The following NCOR1 variants were observed in gnomAD, a reference collection of about 807,000 sequenced individuals.
NCOR1 encodes protein phosphatase 1, regulatory subunit 109.
In NCOR1, 63 loss-of-function variants were observed where a neutral mutation model predicts 288.1. That is an observed-to-expected ratio of 0.22 (90% CI 0.18 to 0.27). The LOEUF is 0.27. Ranked by LOEUF, NCOR1 falls within the 10% of genes least tolerant of loss-of-function variation. The pLI is 1.00. For synonymous variants in NCOR1, 1,007 were observed against 1,065.9 expected (o/e 0.94, Z 1.08); for missense variants, 2,397 against 3,019.2 (o/e 0.79, Z 4.83).
chr17:16,186,402 A>G (rs2086689900), intron 3 of NCOR1, 152 bp downstream of exon 3: 1 of 782,816 alleles, frequency 1.3e-6, no homozygotes, highest in Non-Finnish European at 1.9e-6. Flanking sequence ...CTTGTTAACT[A>G]TTGCAACCAA....
At chr17:16,130,954 G>A (rs1599119685) in intron 14 of NCOR1, among the ~76,000 whole-genome samples, 1 of 150,762 alleles carries the variant, frequency 6.6e-6, no homozygotes, top group African/African-American at 2.4e-5. Context: ...CTCCCAAAGT[G>A]CTGGGACTTT....
chr17:16,188,194 C>G (rs1254215639), intron 2 of NCOR1, among the ~76,000 whole-genome samples: 3 of 152,008 alleles, frequency 2.0e-5, no homozygotes, highest in Admixed American at 2.0e-4. Flanking sequence ...ATTATGCTGT[C>G]CAGGATAAAA....
chr17:16,080,142 G>A (rs910168488), intron 25 of NCOR1, 78 bp from the exon 26 acceptor site: 16 of 1,207,860 alleles, frequency 1.3e-5, no homozygotes, highest in Non-Finnish European at 1.9e-5. Context: ...CCCTACTTGG[G>A]AGAGTACTCA....
chr17:16,145,010 C>T (rs2077673196), intron 10 of NCOR1, among the ~76,000 whole-genome samples: 1 of 152,330 alleles, frequency 6.6e-6, no homozygotes, highest in East Asian at 1.9e-4. Flanking sequence ...AACCTCCCTG[C>T]CTGATTCTCC....
In NCOR1 at chr17:16,092,695, A is replaced by ATTT. The variant is rs1184440315; in HGVS notation, c.2821-640_2821-638dup. Among the ~76,000 whole-genome samples the ATTT allele has an allele frequency of 1.1e-3, 24 of 22,598 alleles. 3 individuals are homozygous for ATTT. The highest frequency in any genetic ancestry group is 2.3e-3 in the African/African-American group (11 of 4,868). The allele number at this position is 22,598 out of a possible 152,430, so 14.8% of individuals were successfully genotyped here. ...TATATATATATATATATATATATAT[A>ATTT]TTTTTTTTTTTTTTTTTTTTTAAGA... On this transcript the variant is annotated intron_variant, in intron 21 of 45. Transcript: ENST00000268712.
At chr17:16,126,053 CTT>C (rs889973617) in intron 15 of NCOR1, 27 bp downstream of exon 15, 16 of 1,031,094 alleles carry the variant, frequency 1.6e-5, no homozygotes, top group Non-Finnish European at 1.9e-5. Context: ...AAACATTTAA[CTT>C]ATTATATAAC....
chr17:16,034,859 C>A lies in NCOR1; in HGVS notation c.7041G>T (p.Thr2347=), dbSNP rs747092561. Residue 2347 remains threonine, a synonymous_variant, in exon 45 of 46, where the codon ACG becomes ACT. Transcript: ENST00000268712. Reference sequence around the variant, plus strand: ...CAGAGGAGACTGAAGAGGGCCGTTCCGTTCCTAAGTAGCCTTGCCCAGGTA... The same window carrying A: ...CAGAGGAGACTGAAGAGGGCCGTTCAGTTCCTAAGTAGCCTTGCCCAGGTA... ...SPIPGQGYLG[T]ERPSSVSSVH... 6.2e-7 allele frequency: 1 copy of A among 1,614,108 alleles called. No homozygotes were observed. The highest frequency in any genetic ancestry group is 8.5e-7 in the Non-Finnish European group (1 of 1,180,012).
rs542636527 is a variant in NCOR1, at chr17:16,178,391, C to T, written c.243-6396G>A. Among the ~76,000 whole-genome samples, 31 of 146,572 alleles carry T rather than the reference C, an allele frequency of 2.1e-4. No individual in the cohort carries two copies. In the South Asian group the frequency reaches 6.1e-3, roughly 29 times the overall value. Reference sequence around the variant, plus strand: ...GCATGAGCCTGTAGTCCCAGCTACTCGGGAGGCTAAGGCAGGAGAATTGCT... The same window carrying T: ...GCATGAGCCTGTAGTCCCAGCTACTTGGGAGGCTAAGGCAGGAGAATTGCT... On this transcript the variant is annotated intron_variant, in intron 3 of 45. Coordinates refer to ENST00000268712, the MANE Select transcript of NCOR1 (RefSeq NM_006311.4).
At chr17:16,181,205 A>ATG (rs1555787614) in intron 3 of NCOR1, among the ~76,000 whole-genome samples, 6 of 99,064 alleles carry the variant, frequency 6.1e-5, no homozygotes, top group South Asian at 3.6e-4. Context: ...GTATACATAT[A>ATG]TATGTATGTG....
At chr17:16,147,967 G>A (rs540519786) in intron 9 of NCOR1, among the ~76,000 whole-genome samples, 6 of 152,202 alleles carry the variant, frequency 3.9e-5, no homozygotes, top group South Asian at 4.1e-4. Flanking sequence ...ACAAGCATGC[G>A]CCACCACGCC....
intron 18 of NCOR1, among the ~76,000 whole-genome samples, chr17:16,116,850 C>G (rs1185406462): frequency 1.3e-5 from 2 of 152,208 alleles, no homozygotes; most frequent in African/African-American, 4.8e-5. Context: ...GAAAAAACTG[C>G]AAATGCTCAG....
chr17:16,153,487 CT>C, intron 6 of NCOR1, 92 bp from the exon 7 acceptor site: 1 of 800,328 alleles, frequency 1.2e-6, no homozygotes, highest in African/African-American at 1.8e-5. Flanking sequence ...TAAGACTAAT[CT>C]ATAGATGAAC....
chr17:16,188,311 C>A (rs75998217), intron 2 of NCOR1, among the ~76,000 whole-genome samples: 2,835 of 151,854 alleles, frequency 0.019, 58 homozygotes, highest in East Asian at 0.05. Flanking sequence ...CATAAAAAAA[C>A]CATTTAAAAA....
chr17:16,183,184 A>G (rs178823), intron 3 of NCOR1, among the ~76,000 whole-genome samples: 142,559 of 142,962 alleles, frequency 1, 71,098 homozygotes, highest in Middle Eastern at 1. Flanking sequence ...AGTGGCAAAC[A>G]CTTCTAATCA....
At chr17:16,086,583 A>C in intron 22 of NCOR1, 141 bp from the exon 23 acceptor site, 2 of 789,064 alleles carry the variant, frequency 2.5e-6, no homozygotes, top group Non-Finnish European at 3.9e-6. Context: ...TTCTATTTTA[A>C]ATTTCTCATT....
At chr17:16,181,211 ATGTGTG>A (rs61215793) in intron 3 of NCOR1, among the ~76,000 whole-genome samples, 1,616 of 139,544 alleles carry the variant, frequency 0.012, 21 homozygotes, top group East Asian at 0.027. Flanking sequence ...ATATATATGT[ATGTGTG>A]TGTGTGTGTG....
At chr17:16,152,838 T>C (rs1055673945) in intron 7 of NCOR1, among the ~76,000 whole-genome samples, 1 of 152,192 alleles carries the variant, frequency 6.6e-6, no homozygotes, top group Admixed American at 6.5e-5. Flanking sequence ...TTTTTAATGA[T>C]TGCCATTCTA....
chr17:16,150,321 G>T (rs1367565241), intron 8 of NCOR1, among the ~76,000 whole-genome samples: 1 of 152,020 alleles, frequency 6.6e-6, no homozygotes, highest in African/African-American at 2.4e-5. Flanking sequence ...GCCAAGAGAT[G>T]AAAAGAATTA....
intron 2 of NCOR1, among the ~76,000 whole-genome samples, chr17:16,189,062 G>C (rs1415122389): frequency 6.6e-6 from 1 of 151,382 alleles, no homozygotes; most frequent in Non-Finnish European, 1.5e-5. Flanking sequence ...TCATCACAAG[G>C]GTTTGTTAAA....
Sources: gnomAD v4.1 joint callset for allele counts (sites outside exome capture counted in the v4.1 genomes callset) on GRCh38, gnomAD v4.1.1 for gene constraint, MANE v1.5 for transcripts, NCBI Gene and HGNC (gene_info 2026-07-23, HGNC 2026-07-21) for gene names.